Variants in NUP205 observed in about 807,000 individuals in gnomAD.
The protein encoded by NUP205 is nuclear pore complex protein Nup205.
In NUP205, 76 loss-of-function variants were observed where a neutral mutation model predicts 253.8. The ratio of observed to expected loss-of-function variants is 0.30; its 90% CI spans 0.25 to 0.36. NUP205 has a LOEUF of 0.36. Among genes scored for constraint, NUP205 ranks in the 10% least tolerant of loss-of-function variants. The pLI, the probability that NUP205 is intolerant of heterozygous loss-of-function variation, is 1.00. For synonymous variants in NUP205, 832 were observed against 850.1 expected (o/e 0.98, Z 0.37); for missense variants, 2,162 against 2,425.5 (o/e 0.89, Z 2.28).
At chr7:135,642,157 A>T (rs1457495644) in intron 38 of NUP205, among the ~76,000 whole-genome samples, 1 of 151,892 alleles carries the variant, frequency 6.6e-6, no homozygotes, top group Non-Finnish European at 1.5e-5. Flanking sequence ...CGGGAGGCTG[A>T]GGCAGGAGAA....
chr7:135,584,730 C>T (rs1806408530), intron 7 of NUP205, 102 bp from the exon 8 acceptor site: 1 of 1,000,834 alleles, frequency 1.0e-6, no homozygotes, highest in Non-Finnish European at 1.5e-6. Flanking sequence ...TGCTAGAAGG[C>T]TGGGAAGATG....
chr7:135,606,982 C>T, intron 21 of NUP205, 67 bp downstream of exon 21: 4 of 1,439,638 alleles, frequency 2.8e-6, no homozygotes, highest in Non-Finnish European at 3.9e-6. Context: ...TCACTGATTG[C>T]ATTCTGGGCT....
At position 135,576,924 on chromosome 7, in the gene NUP205, A is replaced by G. The variant is rs1391577546; in HGVS notation, c.489-45A>G. 2.6e-6 allele frequency: 4 copies of G among 1,566,756 alleles called. No individual in the cohort carries two copies. The African/African-American group carries it at 5.5e-5, about 22-fold the overall frequency. Reference sequence around the variant, plus strand: ...TATACCTATTATTATGAAGAAGCATAAACAATATTGTTTAACGTAGTTTAT... The same window carrying G: ...TATACCTATTATTATGAAGAAGCATGAACAATATTGTTTAACGTAGTTTAT... On this transcript the variant is annotated intron_variant, in intron 4 of 42. Coordinates refer to ENST00000285968, the MANE Select transcript of NUP205 (RefSeq NM_015135.3).
At chr7:135,614,630 C>G (rs1241882942) in intron 23 of NUP205, among the ~76,000 whole-genome samples, 3 of 151,996 alleles carry the variant, frequency 2.0e-5, no homozygotes, top group African/African-American at 4.8e-5. Flanking sequence ...AAAAAAAAAT[C>G]CTGGTTTATT....
At chr7:135,604,286 G>A (rs569573078) in intron 18 of NUP205, 54 bp from the exon 19 acceptor site, 2 of 1,523,990 alleles carry the variant, frequency 1.3e-6, no homozygotes, top group South Asian at 2.5e-5. Context: ...ATTGAGAATA[G>A]TGAGACACCA....
Position 135,618,456 on chromosome 7 carries a change from G to T in NUP205, c.3816G>T (p.Leu1272Phe). 1.2e-6 allele frequency: 2 copies of T among 1,614,082 alleles called. No individual in the cohort carries two copies. Among genetic ancestry groups the T allele is most frequent in the Non-Finnish European group, 1.7e-6 (2 of 1,179,994 alleles). The change falls in exon 28 of 43, where the codon TTG becomes TTT. Residue 1272 changes from leucine (L) to phenylalanine (F), a missense_variant. Leu to Phe is a conservative substitution (Grantham distance 22). Around this residue, in one of 5 missense-constraint regions of NUP205, gnomAD observed 1,144 missense variants for 1,280.9 expected, o/e 0.89. Coordinates refer to ENST00000285968, the MANE Select transcript of NUP205 (RefSeq NM_015135.3). ...VLQYVVGRNK[L>F]LQCLHAKRHA... is the part of the protein sequence containing the mutation. ...AGTATGTGGTAGGAAGAAATAAATT[G>T]CTGCAGTGTCTTCATGCAAAACGTC...
rs1243070509 is a variant in NUP205 at position 135,585,334 on chromosome 7, T to G, written c.1218+327T>G. On this transcript the variant is annotated intron_variant, in intron 8 of 42. Coordinates refer to ENST00000285968, the MANE Select transcript of NUP205 (RefSeq NM_015135.3). ...ATATTTTGCTGTTGTTCTATGGAAA[T>G]AAGTCCTCTTAACTGGGGATAAGTC... Among the ~76,000 whole-genome samples, 9 of 152,134 alleles carry G rather than the reference T, an allele frequency of 5.9e-5. No homozygotes were observed. In the East Asian group the frequency reaches 1.7e-3, roughly 29 times the overall value.
At chr7:135,635,703 C>A in intron 36 of NUP205, 46 bp downstream of exon 36, 2 of 1,099,960 alleles carry the variant, frequency 1.8e-6, no homozygotes, top group Non-Finnish European at 2.7e-6. Flanking sequence ...AGACATGTTA[C>A]AAAATATACC....
intron 28 of NUP205, among the ~76,000 whole-genome samples, chr7:135,618,985 CCTTTCTTT>C (rs759829106): frequency 5.9e-5 from 9 of 152,090 alleles, no homozygotes; most frequent in African/African-American, 1.4e-4. Flanking sequence ...ATATTAGATT[CCTTTCTTT>C]CTTTCTTTCT....
intron 35 of NUP205, 36 bp downstream of exon 35, chr7:135,630,506 C>T (rs1427079680): frequency 6.4e-7 from 1 of 1,550,434 alleles, no homozygotes; most frequent in East Asian, 2.3e-5. Context: ...TTTAATAATT[C>T]TTTAAAGACT....
At position 135,643,328 on chromosome 7, in the gene NUP205, A is replaced by G; in HGVS notation, c.5529A>G (p.Val1843=). 5 of 1,614,106 alleles carry G rather than the reference A, an allele frequency of 3.1e-6. No individual in the cohort carries two copies. Among genetic ancestry groups the G allele is most frequent in the Non-Finnish European group, 4.2e-6 (5 of 1,179,966 alleles). ...AGAGTGTCAGCAAGCTACAAAATGT[A>G]GAGCAGCTTCCCCCAGATGAGATAA... The part of the protein sequence containing the change: ...HRQSVSKLQN[V]EQLPPDEIKE... Residue 1843 remains valine (V), a synonymous_variant, in exon 39 of 43, where the codon GTA becomes GTG. Transcript: ENST00000285968.
Position 135,644,978 on chromosome 7 carries a change from G to T in NUP205, c.5643G>T (p.Lys1881Asn). ...KYVLARRRLVKVINNRAKLLS... is the reference protein window; with the variant it reads ...KYVLARRRLVNVINNRAKLLS... ...TTCTAGCAAGACGGCGCTTGGTGAA[G>T]GTGATCAACAATCGAGCTAAACTGC... The change falls in exon 40 of 43, where the codon AAG (lysine) becomes AAT (asparagine). Residue 1881 changes from lysine (K) to asparagine (N), a missense_variant. Physicochemically the swap from Lys to Asn is moderately conservative, Grantham distance 94 (BLOSUM62 0). This residue lies in a region of NUP205 where 1,144 missense variants were observed against 1,280.9 expected (regional missense o/e 0.89). Coordinates refer to ENST00000285968, the MANE Select transcript of NUP205 (RefSeq NM_015135.3). The T allele has an allele frequency of 6.2e-7, 1 of 1,614,076 alleles. No homozygotes were observed. The highest frequency in any genetic ancestry group is 8.5e-7 in the Non-Finnish European group (1 of 1,179,980).
chr7:135,648,204 A>T (rs999502208), intron 42 of NUP205, among the ~76,000 whole-genome samples, 200 bp from the exon 43 acceptor site: 17 of 152,242 alleles, frequency 1.1e-4, no homozygotes, highest in Non-Finnish European at 5.9e-5. Context: ...CAGGAAAAAC[A>T]TGAGAATTAA....
At chr7:135,647,751 A>T (rs1314142683) in intron 42 of NUP205, among the ~76,000 whole-genome samples, 3 of 152,240 alleles carry the variant, frequency 2.0e-5, no homozygotes, top group Non-Finnish European at 4.4e-5. Context: ...ATTAATAAAT[A>T]ATCTCACACT....
chr7:135,581,664 G>A (rs906116336), intron 7 of NUP205, among the ~76,000 whole-genome samples: 2 of 151,752 alleles, frequency 1.3e-5, no homozygotes, highest in South Asian at 2.1e-4. Flanking sequence ...CCAGACTGGC[G>A]AACGTGGTAA....
At chr7:135,576,634 T>C (rs1806158771) in intron 4 of NUP205, among the ~76,000 whole-genome samples, 1 of 152,194 alleles carries the variant, frequency 6.6e-6, no homozygotes, top group Admixed American at 6.5e-5. Context: ...ATTTTTGGAT[T>C]ACAAAGTGCT....
chr7:135,566,070 A>G (rs1805748330), intron 1 of NUP205, among the ~76,000 whole-genome samples: 4 of 152,176 alleles, frequency 2.6e-5, no homozygotes, highest in Non-Finnish European at 4.4e-5. Flanking sequence ...CAGATACATA[A>G]ACCAGTATGC....
intron 33 of NUP205, among the ~76,000 whole-genome samples, chr7:135,626,625 A>G (rs1037590503): frequency 1.3e-5 from 2 of 152,212 alleles, no homozygotes; most frequent in Admixed American, 1.3e-4. Context: ...TTGCAGTTAC[A>G]CTATCTTTTA....
intron 22 of NUP205, 76 bp downstream of exon 22, chr7:135,607,447 C>G: frequency 1.4e-6 from 2 of 1,476,856 alleles, no homozygotes; most frequent in Non-Finnish European, 1.8e-6. Flanking sequence ...ACAGATATGA[C>G]AGTATAACAG....
Sources: gnomAD v4.1 joint callset for allele counts (sites outside exome capture counted in the v4.1 genomes callset) on GRCh38, gnomAD v4.1.1 for gene constraint, gnomAD v4.1.1 regional missense constraint, MANE v1.5 for transcripts, NCBI Gene and HGNC (gene_info 2026-07-23, HGNC 2026-07-21) for gene names.